Variants in RGS7 observed in about 807,000 individuals in gnomAD.
RGS7 encodes regulator of G protein signaling 7, also known as regulator of G-protein signaling 7.
In RGS7, 27 loss-of-function variants were observed where a neutral mutation model predicts 81.1. That is an observed-to-expected ratio of 0.33 (90% CI 0.25 to 0.46). The LOEUF (loss-of-function observed/expected upper bound fraction) is 0.46. RGS7 is among the 20% of genes least tolerant of loss of function. The pLI, the probability that RGS7 is intolerant of heterozygous loss-of-function variation, is 1.00. For synonymous variants in RGS7, 208 were observed against 207.7 expected, an observed-to-expected ratio of 1.00 and a Z score of -0.01; for missense variants, 396 against 607.4, an observed-to-expected ratio of 0.65 and a Z score of 3.66.
intron 2 of RGS7, among the ~76,000 whole-genome samples, chr1:241,231,334 T>A (rs1394442187): frequency 1.3e-5 from 2 of 152,198 alleles, no homozygotes; most frequent in Non-Finnish European, 2.9e-5. Flanking sequence ...TAATAAAAAA[T>A]TTATTTATTA....
chr1:240,813,627 A>G lies in RGS7; in HGVS notation c.947T>C (p.Leu316Pro). 1 of 1,609,568 alleles carries G rather than the reference A, an allele frequency of 6.2e-7. No homozygotes were observed. The change falls in exon 13 of 19, where the codon CTT becomes CCT. Residue 316 changes from leucine (L) to proline (P), a missense_variant. Physicochemically the swap from Leu to Pro is moderately conservative, Grantham distance 98. Coordinates refer to ENST00000440928, the MANE Select transcript of RGS7 (RefSeq NM_001364886.1). ...ATAAAATGCCACCTACCTTGCCTCA[A>G]GTTCCCAGAAAGTGGTGTCATCGGA... ...WLSDDTTFWE[L>P]EASKEPSQQR...
At chr1:241,019,277 C>T (rs973512186) in intron 3 of RGS7, among the ~76,000 whole-genome samples, 1 of 152,172 alleles carries the variant, frequency 6.6e-6, no homozygotes, top group Non-Finnish European at 1.5e-5. Flanking sequence ...ACAATTCTTT[C>T]TGTACTGTAT....
chr1:240,920,706 G>A, intron 6 of RGS7: 2 of 648,038 alleles, frequency 3.1e-6, no homozygotes, highest in South Asian at 1.5e-5. Flanking sequence ...AAGCACAGTG[G>A]TGGCAGGGCC....
At chr1:240,979,612 T>C (rs1318371559) in intron 4 of RGS7, among the ~76,000 whole-genome samples, 2 of 152,116 alleles carry the variant, frequency 1.3e-5, no homozygotes, top group Non-Finnish European at 2.9e-5. Context: ...GAGAAGTGAG[T>C]GTGGAGCACT....
At chr1:240,926,334 G>A (rs746948877) in intron 6 of RGS7, among the ~76,000 whole-genome samples, 12 of 152,052 alleles carry the variant, frequency 7.9e-5, no homozygotes, top group African/African-American at 7.2e-5. Flanking sequence ...ACAAGGTAGC[G>A]GTCCAGCTTC....
At chr1:240,817,899 G>A (rs1022332511) in intron 10 of RGS7, among the ~76,000 whole-genome samples, 1 of 152,160 alleles carries the variant, frequency 6.6e-6, no homozygotes, top group African/African-American at 2.4e-5. Flanking sequence ...CACCGCGCCT[G>A]GCCTCCGTCC....
At chr1:240,842,199 A>ATTTTGTTTTTTTTTTTTTTT (rs1658154013) in intron 9 of RGS7, among the ~76,000 whole-genome samples, 1 of 78,676 alleles carries the variant, frequency 1.3e-5, no homozygotes, top group Non-Finnish European at 2.5e-5. Context: ...TTTGTCAGGA[A>ATTTTGTTTTTTTTTTTTTTT]TTTTTTTTTT....
intron 3 of RGS7, among the ~76,000 whole-genome samples, chr1:241,003,866 A>T (rs187451152): frequency 6.6e-6 from 1 of 152,262 alleles, no homozygotes; most frequent in Non-Finnish European, 1.5e-5. Context: ...CTCCTGCCTC[A>T]GCCTCCCAAG....
intron 2 of RGS7, among the ~76,000 whole-genome samples, chr1:241,315,104 C>CTT (rs2080788834): frequency 9.1e-4 from 31 of 34,130 alleles, no homozygotes; most frequent in African/African-American, 3.3e-3. Context: ...TTTTCTTCTT[C>CTT]TTCTTTTTTT....
At position 241,028,037 on chromosome 1, in the gene RGS7, G is replaced by T. The variant is rs560139559; in HGVS notation, c.176-44908C>A. 1.6e-4 allele frequency among the ~76,000 whole-genome samples: 24 copies of T among 152,316 alleles called. 2 individuals are homozygous for T. Among genetic ancestry groups the T allele is most frequent in the Admixed American group, 1.5e-3 (23 of 15,306 alleles). On this transcript the variant is annotated intron_variant, in intron 3 of 18. Transcript: ENST00000440928. ...AACCACTGGAGAGAAACGTGTATCA[G>T]CTCTATGAGCATGATTACTGGGCAT...
chr1:241,340,483 G>A (rs2082478650), intron 2 of RGS7, among the ~76,000 whole-genome samples: 2 of 152,206 alleles, frequency 1.3e-5, no homozygotes, highest in Middle Eastern at 6.8e-3. Context: ...GAATTTATAA[G>A]ATTCTTCAGG....
chr1:241,339,735 C>T (rs943208353), intron 2 of RGS7, among the ~76,000 whole-genome samples: 3 of 152,108 alleles, frequency 2.0e-5, no homozygotes, highest in African/African-American at 2.4e-5. Context: ...AAGGTGCATG[C>T]CCTTTTTTTA....
intron 9 of RGS7, among the ~76,000 whole-genome samples, chr1:240,845,647 C>T (rs1490644657): frequency 3.9e-5 from 6 of 152,130 alleles, no homozygotes; most frequent in East Asian, 3.9e-4. Context: ...ACCCACCCCA[C>T]GAAGTCATTG....
In RGS7 at chr1:240,784,553, G is replaced by A. The variant is rs1684727785; in HGVS notation, c.*7-8340C>T. On this transcript the variant is annotated intron_variant, in intron 18 of 18. Coordinates refer to ENST00000440928, the MANE Select transcript of RGS7 (RefSeq NM_001364886.1). ...CCCAGCTACTCAGGAGGCTGAGGCA[G>A]GAGAATGGCGTGAACCCGGGAGGCG... 2.7e-5 allele frequency among the ~76,000 whole-genome samples: 4 copies of A among 150,870 alleles called. 1 individual carries two copies. The highest frequency in any genetic ancestry group is 2.0e-4 in the Admixed American group (3 of 15,186).
intron 4 of RGS7, among the ~76,000 whole-genome samples, chr1:240,980,163 A>G (rs1190991310): frequency 9.2e-5 from 14 of 152,204 alleles, no homozygotes; most frequent in African/African-American, 3.4e-4. Flanking sequence ...CTCTGATAAA[A>G]TATTCAGCCA....
intron 12 of RGS7, 77 bp downstream of exon 12, chr1:240,814,639 A>C: frequency 1.1e-6 from 1 of 888,060 alleles, no homozygotes; most frequent in Non-Finnish European, 1.9e-6. Context: ...CTGTCCCCAC[A>C]GTTCTCTTTC....
At chr1:241,096,794 A>AGATGAGCAAAGTTTTTT (rs1374650079) in intron 3 of RGS7, among the ~76,000 whole-genome samples, 3 of 152,220 alleles carry the variant, frequency 2.0e-5, no homozygotes, top group African/African-American at 7.2e-5. Flanking sequence ...AAACTTAATC[A>AGATGAGCAAAGTTTTTT]GATGAGCAAA....
chr1:240,967,573 G>GA (rs1183398724), intron 4 of RGS7, among the ~76,000 whole-genome samples: 1 of 131,224 alleles, frequency 7.6e-6, no homozygotes, highest in Non-Finnish European at 1.7e-5. Flanking sequence ...AGAAGTGGGG[G>GA]GGGGGGGGAA....
At chr1:241,338,861 C>G (rs929900948) in intron 2 of RGS7, among the ~76,000 whole-genome samples, 1 of 152,024 alleles carries the variant, frequency 6.6e-6, no homozygotes, top group African/African-American at 2.4e-5. Context: ...TCCTTATCCC[C>G]AGCCACTTTT....
Sources: allele counts gnomAD v4.1 joint callset (sites outside exome capture counted in the v4.1 genomes callset), GRCh38; gene constraint gnomAD v4.1.1; transcripts MANE v1.5; gene names NCBI Gene and HGNC (gene_info 2026-07-23, HGNC 2026-07-21).